The following RAD51B variants were observed in gnomAD, a reference collection of about 807,000 sequenced individuals.
RAD51B encodes RAD51 paralog B.
In RAD51B, 38 loss-of-function variants were observed where a neutral mutation model predicts 42.2. That is an observed-to-expected ratio of 0.90 (90% CI 0.70 to 1.18). The LOEUF (loss-of-function observed/expected upper bound fraction) is 1.18. Ranked by LOEUF, RAD51B falls within the 50% of genes most tolerant of loss-of-function variation. The pLI is 0.00. For synonymous variants in RAD51B, 154 were observed against 145.2 expected, an observed-to-expected ratio of 1.06 and a Z score of -0.43; for missense variants, 373 against 400.7, an observed-to-expected ratio of 0.93 and a Z score of 0.59.
intron 7 of RAD51B, among the ~76,000 whole-genome samples, chr14:67,896,811 T>C (rs755990939): frequency 3.3e-5 from 5 of 152,136 alleles, no homozygotes; most frequent in Non-Finnish European, 7.4e-5. Flanking sequence ...ACAGTTACCT[T>C]CCAAGTAAAG....
intron 9 of RAD51B, among the ~76,000 whole-genome samples, chr14:68,424,669 A>G (rs1400749420): frequency 6.6e-6 from 1 of 152,142 alleles, no homozygotes; most frequent in Non-Finnish European, 1.5e-5. Flanking sequence ...TAGATTTGCT[A>G]AAAGATCCCC....
chr14:68,398,093 CT>C (rs1415264253), intron 8 of RAD51B, among the ~76,000 whole-genome samples: 1 of 152,244 alleles, frequency 6.6e-6, no homozygotes, highest in African/African-American at 2.4e-5. Context: ...TGAAAGCATT[CT>C]CCACCATGAC....
At position 68,262,183 on chromosome 14, in the gene RAD51B, T is replaced by C. The variant is rs548153941; in HGVS notation, c.757-29701T>C. Reference sequence around the variant, plus strand: ...TGTATTTGTGATGTTGTAGACAGAGTAGGAGGAAAGAGTAGCAGTGTGGAA... The same window carrying C: ...TGTATTTGTGATGTTGTAGACAGAGCAGGAGGAAAGAGTAGCAGTGTGGAA... On this transcript the variant is annotated intron_variant, in intron 7 of 10. Transcript: ENST00000471583. Among the ~76,000 whole-genome samples, 63 of 151,786 alleles carry C rather than the reference T, an allele frequency of 4.2e-4. 1 individual carries two copies. The highest frequency in any genetic ancestry group is 1.5e-3 in the African/African-American group (60 of 41,320).
intron 7 of RAD51B, among the ~76,000 whole-genome samples, chr14:68,019,255 C>T (rs190983052): frequency 3.3e-5 from 5 of 152,124 alleles, no homozygotes; most frequent in East Asian, 1.9e-4. Flanking sequence ...TACAGAGTAC[C>T]GCTGCAGTGG....
At chr14:68,540,205 A>G (rs2525524) in intron 10 of RAD51B, 159,374 of 762,268 alleles carry the variant, frequency 0.21, 21,966 homozygotes, top group South Asian at 0.31. Context: ...TACAGGATCT[A>G]GAGAATTCAA....
chr14:68,022,762 G>A (rs1006135782), intron 7 of RAD51B, among the ~76,000 whole-genome samples: 4 of 151,972 alleles, frequency 2.6e-5, no homozygotes, highest in Non-Finnish European at 5.9e-5. Flanking sequence ...TAGGTAATCA[G>A]CATAATACCT....
chr14:68,231,514 T>C (rs1812108670), intron 7 of RAD51B, among the ~76,000 whole-genome samples: 2 of 152,186 alleles, frequency 1.3e-5, no homozygotes, highest in Admixed American at 1.3e-4. Flanking sequence ...TAATCTCCAA[T>C]GTGTTTATTG....
At chr14:68,611,544 A>G in exon 11 of RAD51B, 1 of 455,886 alleles carries the variant, frequency 2.2e-6, no homozygotes, top group Non-Finnish European at 4.0e-6. Context: ...GAAGCTTATT[A>G]AGCCTTGCAG....
intron 8 of RAD51B, among the ~76,000 whole-genome samples, chr14:68,309,500 CA>C (rs1245062030): frequency 6.6e-6 from 1 of 152,072 alleles, no homozygotes; most frequent in African/African-American, 2.4e-5. Context: ...AAGTGAAGGG[CA>C]AAGGAAGAAT....
downstream of RAD51B, among the ~76,000 whole-genome samples, chr14:68,483,014 T>C (rs779211376): frequency 5.9e-5 from 9 of 151,816 alleles, no homozygotes; most frequent in Non-Finnish European, 1.3e-4. Flanking sequence ...GTTGCCACAG[T>C]AGGGGAAGGG....
chr14:68,278,693 A>C (rs1256362346), intron 7 of RAD51B, among the ~76,000 whole-genome samples: 1 of 152,162 alleles, frequency 6.6e-6, no homozygotes, highest in African/African-American at 2.4e-5. Context: ...TTTGTAATAA[A>C]CAACAGTGGC....
At chr14:68,140,750 A>G (rs1263635365) in intron 7 of RAD51B, among the ~76,000 whole-genome samples, 2 of 152,130 alleles carry the variant, frequency 1.3e-5, no homozygotes, top group Non-Finnish European at 2.9e-5. Context: ...TACTTTTTCA[A>G]AGAAGTCTCT....
At chr14:67,830,342 A>G (rs1407061750) in intron 3 of RAD51B, among the ~76,000 whole-genome samples, 4 of 152,224 alleles carry the variant, frequency 2.6e-5, no homozygotes, top group African/African-American at 9.6e-5. Flanking sequence ...AGTGATGGTG[A>G]CTTATATTAT....
At chr14:68,107,352 C>G (rs781544675) in intron 7 of RAD51B, among the ~76,000 whole-genome samples, 44 of 151,742 alleles carry the variant, frequency 2.9e-4, no homozygotes, top group Non-Finnish European at 6.3e-4. Flanking sequence ...TTAAAGAAGC[C>G]TAAATAAATG....
At chr14:68,040,863 T>C (rs2076207010) in intron 7 of RAD51B, among the ~76,000 whole-genome samples, 1 of 152,184 alleles carries the variant, frequency 6.6e-6, no homozygotes, top group Non-Finnish European at 1.5e-5. Context: ...ATCCTCCAGG[T>C]GATTCTCATG....
chr14:68,205,695 C>T (rs749051836), intron 7 of RAD51B, among the ~76,000 whole-genome samples: 1 of 151,782 alleles, frequency 6.6e-6, no homozygotes, highest in Non-Finnish European at 1.5e-5. Flanking sequence ...ATACCTTTAC[C>T]CATATTCACC....
At chr14:68,612,541 T>G (rs902259931), downstream of RAD51B, among the ~76,000 whole-genome samples, 7 of 152,154 alleles carry the variant, frequency 4.6e-5, no homozygotes, top group African/African-American at 1.7e-4. Context: ...GTGATTCCAC[T>G]TACATGAGGT....
intron 10 of RAD51B, among the ~76,000 whole-genome samples, chr14:68,564,319 G>A (rs1889310783): frequency 6.6e-6 from 1 of 152,212 alleles, no homozygotes; most frequent in Non-Finnish European, 1.5e-5. Context: ...TGCAGCCTGT[G>A]GGTATTGGCC....
downstream of RAD51B, among the ~76,000 whole-genome samples, chr14:68,600,169 A>G (rs1176510026): frequency 6.6e-6 from 1 of 152,168 alleles, no homozygotes; most frequent in Non-Finnish European, 1.5e-5. Context: ...ACAGCTACTC[A>G]GTGACTTGGA....
Sources: allele counts gnomAD v4.1 joint callset (sites outside exome capture counted in the v4.1 genomes callset), GRCh38; gene constraint gnomAD v4.1.1; transcripts MANE v1.5; gene names NCBI Gene and HGNC (gene_info 2026-07-23, HGNC 2026-07-21).